Variants in FRMD4A observed in about 807,000 individuals in gnomAD.
FRMD4A encodes the protein FERM domain-containing protein 4A.
FRMD4A carries 29 observed loss-of-function variants against 129.1 expected under a neutral mutation model. That is an observed-to-expected ratio of 0.22 (90% CI 0.17 to 0.31). FRMD4A has a LOEUF of 0.31. FRMD4A is among the 10% of genes least tolerant of loss of function. FRMD4A has a pLI of 1.00. For synonymous variants in FRMD4A, 634 were observed against 571.6 expected, an observed-to-expected ratio of 1.11 and a Z score of -1.56; for missense variants, 1,272 against 1,375.8, an observed-to-expected ratio of 0.92 and a Z score of 1.19.
intron 8 of FRMD4A, among the ~76,000 whole-genome samples, chr10:13,749,443 T>C (rs2091458317): frequency 6.6e-6 from 1 of 151,984 alleles, no homozygotes; most frequent in Non-Finnish European, 1.5e-5. Context: ...AGAGGGGAGT[T>C]CCTCAGGTGC....
At chr10:14,220,911 G>A (rs1274583075) in intron 2 of FRMD4A, among the ~76,000 whole-genome samples, 1 of 151,950 alleles carries the variant, frequency 6.6e-6, no homozygotes, top group Non-Finnish European at 1.5e-5. Flanking sequence ...TGATTGGACT[G>A]AAGAGCAGAA....
At chr10:13,864,094 C>T (rs1423700872) in intron 2 of FRMD4A, among the ~76,000 whole-genome samples, 1 of 152,030 alleles carries the variant, frequency 6.6e-6, no homozygotes, top group African/African-American at 2.4e-5. Flanking sequence ...CTCCCGGGTT[C>T]AAGCGATTCT....
chr10:14,164,390 C>A (rs1276530243), intron 2 of FRMD4A, among the ~76,000 whole-genome samples: 1 of 152,180 alleles, frequency 6.6e-6, no homozygotes, highest in Non-Finnish European at 1.5e-5. Context: ...TGGCAATGAG[C>A]CCCAGGTCCT....
intron 3 of FRMD4A, among the ~76,000 whole-genome samples, chr10:13,849,566 C>T (rs1190104950): frequency 8.6e-5 from 13 of 151,398 alleles, no homozygotes; most frequent in African/African-American, 3.2e-4. Context: ...CTGCAACCTC[C>T]ATCTCCCACG....
intron 2 of FRMD4A, among the ~76,000 whole-genome samples, chr10:14,139,556 C>A (rs904584471): frequency 1.3e-5 from 2 of 152,130 alleles, no homozygotes; most frequent in African/African-American, 4.8e-5. Flanking sequence ...CTCAGGCAAT[C>A]CTCCTACTTC....
chr10:14,132,540 G>A (rs1000257086), intron 2 of FRMD4A, among the ~76,000 whole-genome samples: 29 of 152,276 alleles, frequency 1.9e-4, no homozygotes, highest in South Asian at 1.9e-3. Context: ...TGTTCCCCAC[G>A]TGTACCTGGG....
At chr10:14,051,823 C>T (rs952598505) in intron 2 of FRMD4A, among the ~76,000 whole-genome samples, 3 of 152,210 alleles carry the variant, frequency 2.0e-5, no homozygotes, top group Admixed American at 2.0e-4. Flanking sequence ...AGGAGGAGAT[C>T]GCAGATGCCA....
chr10:13,683,571 T>C (rs1325501706), intron 15 of FRMD4A, among the ~76,000 whole-genome samples: 1 of 152,016 alleles, frequency 6.6e-6, no homozygotes, highest in African/African-American at 2.4e-5. Context: ...CGCTCCAGCC[T>C]GGGTAACAGA....
At chr10:14,197,674 T>C (rs1842511680) in intron 2 of FRMD4A, among the ~76,000 whole-genome samples, 1 of 152,250 alleles carries the variant, frequency 6.6e-6, no homozygotes, top group African/African-American at 2.4e-5. Flanking sequence ...ATCACTCTAG[T>C]TATGACAAAT....
chr10:14,104,972 C>G (rs896957678), intron 2 of FRMD4A, among the ~76,000 whole-genome samples: 1 of 152,180 alleles, frequency 6.6e-6, no homozygotes, highest in Non-Finnish European at 1.5e-5. Flanking sequence ...TCAGTTACAC[C>G]AAGCTCTCCT....
chr10:14,002,348 T>C lies in FRMD4A; in HGVS notation c.46-143436A>G, dbSNP rs866344375. On this transcript the variant is annotated intron_variant, in intron 2 of 24. Transcript: ENST00000357447. ...TTGTTCCACTTAAAGATGTACAGCATGGTCTTAGAGTTCCGAATAAATAAG... is the reference window on the plus strand; with the variant it reads ...TTGTTCCACTTAAAGATGTACAGCACGGTCTTAGAGTTCCGAATAAATAAG... Among the ~76,000 whole-genome samples, 8 of 152,350 alleles carry C rather than the reference T, an allele frequency of 5.3e-5. No individual in the cohort carries two copies. In the Middle Eastern group the frequency reaches 0.027, roughly 518 times the overall value.
intron 2 of FRMD4A, among the ~76,000 whole-genome samples, chr10:14,281,835 A>G (rs1032963995): frequency 2.6e-5 from 4 of 152,208 alleles, no homozygotes; most frequent in East Asian, 3.8e-4. Flanking sequence ...GGGTAAACTC[A>G]AACAGGGATG....
chr10:13,740,489 T>TGAGCTGGGA, intron 10 of FRMD4A, 23 bp downstream of exon 10: 1 of 1,425,486 alleles, frequency 7.0e-7, no homozygotes, highest in Non-Finnish European at 9.9e-7. Context: ...TGTCCCCATG[T>TGAGCTGGGA]GAGCTGGGAA....
intron 15 of FRMD4A, chr10:13,684,624 G>A (rs1023712349): frequency 4.1e-6 from 4 of 985,342 alleles, no homozygotes; most frequent in African/African-American, 1.7e-5. Flanking sequence ...GACCCTGGGC[G>A]ACTCAGCACC....
At chr10:14,329,948 G>A (rs1386461106) in intron 2 of FRMD4A, 110 bp downstream of exon 2, 3 of 989,242 alleles carry the variant, frequency 3.0e-6, no homozygotes, top group Non-Finnish European at 4.7e-6. Context: ...GGGATAAAGC[G>A]GAGCAATGTT....
chr10:14,080,943 T>A (rs1214932583), intron 2 of FRMD4A, among the ~76,000 whole-genome samples: 2 of 151,942 alleles, frequency 1.3e-5, no homozygotes, highest in Non-Finnish European at 2.9e-5. Context: ...GGGGCCTATG[T>A]GGCTCAGACG....
intron 4 of FRMD4A, among the ~76,000 whole-genome samples, chr10:13,806,755 G>A (rs1381444407): frequency 2.0e-5 from 3 of 152,194 alleles, no homozygotes; most frequent in African/African-American, 7.2e-5. Context: ...AAGTGTCCCA[G>A]GTAATTCCAA....
chr10:13,719,660 A>T (rs2089233630), intron 12 of FRMD4A, among the ~76,000 whole-genome samples: 1 of 152,144 alleles, frequency 6.6e-6, no homozygotes, highest in South Asian at 2.1e-4. Flanking sequence ...AGGAGGGGGA[A>T]AAAAAGCCTT....
intron 2 of FRMD4A, among the ~76,000 whole-genome samples, chr10:14,039,455 A>ATCTATCT (rs1565204710): frequency 9.0e-4 from 58 of 64,674 alleles, no homozygotes; most frequent in Non-Finnish European, 1.1e-3. Context: ...AAAATCAATC[A>ATCTATCT]ATCTATCTAT....
Sources: allele counts gnomAD v4.1 joint callset (sites outside exome capture counted in the v4.1 genomes callset), GRCh38; gene constraint gnomAD v4.1.1; transcripts MANE v1.5; gene names NCBI Gene and HGNC (gene_info 2026-07-23, HGNC 2026-07-21).